PPFIBP2: variants seen among roughly 807,000 people sequenced by gnomAD.
PPFIBP2 encodes PPFIB scaffold protein 2.
PPFIBP2 carries 118 observed loss-of-function variants against 118.3 expected under a neutral mutation model. The observed-to-expected ratio is 1.00, with a 90% CI of 0.86 to 1.16. PPFIBP2 has a LOEUF of 1.16. Among genes scored for constraint, PPFIBP2 ranks in the 50% most tolerant of loss-of-function variants. The pLI, the probability that PPFIBP2 is intolerant of heterozygous loss-of-function variation, is 0.00. For synonymous variants in PPFIBP2, 414 were observed against 397.4 expected (o/e 1.04, Z -0.50); for missense variants, 1,195 against 1,073.1 (o/e 1.11, Z -1.59).
intron 3 of PPFIBP2, among the ~76,000 whole-genome samples, chr11:7,591,260 G>A (rs1252597338): frequency 1.3e-5 from 2 of 151,912 alleles, no homozygotes; most frequent in Non-Finnish European, 2.9e-5. Flanking sequence ...TCTTGCCTTT[G>A]GTCTTCTCTC....
chr11:7,544,194 GC>G (rs1412831244), intron 1 of PPFIBP2, among the ~76,000 whole-genome samples: 5 of 152,150 alleles, frequency 3.3e-5, no homozygotes, highest in Non-Finnish European at 7.4e-5. Flanking sequence ...TATCTTTATG[GC>G]CAGGGATGAG....
chr11:7,565,518 C>G, intron 2 of PPFIBP2, 35 bp from the exon 3 acceptor site: 4 of 1,609,362 alleles, frequency 2.5e-6, no homozygotes, highest in Non-Finnish European at 3.4e-6. Context: ...GGTGTCCACC[C>G]TTCTTACTGA....
downstream of PPFIBP2, chr11:7,656,732 G>A: frequency 3.9e-6 from 5 of 1,289,864 alleles, no homozygotes; most frequent in Non-Finnish European, 5.1e-6. Context: ...TTCAGACAAT[G>A]CTGAGCCAGG....
rs1397835891 is a variant in PPFIBP2, at chr11:7,649,628, T to G, written c.2095T>G (p.Cys699Gly). 2 of 1,614,230 alleles carry G rather than the reference T, an allele frequency of 1.2e-6. No individual in the cohort carries two copies. Among genetic ancestry groups the G allele is most frequent in the Non-Finnish European group, 1.7e-6 (2 of 1,180,030 alleles). ...GCATGTCAACAAGTTCAACCCCCAC[T>G]GCCTGCACCGGCGGCCAGCTGATGA... ...VLHVNKFNPHCLHRRPADESN... is the reference protein window; with the variant it reads ...VLHVNKFNPHGLHRRPADESN... The change falls in exon 21 of 24, where the codon TGC becomes GGC. Residue 699 changes from cysteine to glycine, a missense_variant. Physicochemically the swap from Cys to Gly is radical, Grantham distance 159. Transcript: ENST00000299492.
chr11:7,642,138 C>A, intron 16 of PPFIBP2, 160 bp from the exon 17 acceptor site: 1 of 816,094 alleles, frequency 1.2e-6, no homozygotes, highest in East Asian at 2.6e-5. Flanking sequence ...GGCCAAGGAG[C>A]TGCGACAGGT....
chr11:7,656,819 G>A (rs1191755926), downstream of PPFIBP2: 26 of 1,289,378 alleles, frequency 2.0e-5, no homozygotes, highest in East Asian at 5.5e-5. Context: ...GGCTGAGAGC[G>A]TAGGGAGGCA....
Position 7,635,565 on chromosome 11 carries a change from A to G in PPFIBP2, c.1208A>G (p.Asn403Ser). 1.2e-6 allele frequency: 2 copies of G among 1,611,248 alleles called. No individual in the cohort carries two copies. Among genetic ancestry groups the G allele is most frequent in the Non-Finnish European group, 1.7e-6 (2 of 1,177,356 alleles). ...GTTACTCCATAGTGTATGGATGGGA[A>G]CCAGCCCTTCCCGGTGTTAGAACCC... is the stretch of plus-strand genomic sequence containing the variant. The part of the protein sequence containing the change: ...SESVDKCMDG[N>S]QPFPVLEPKD... The change falls in exon 14 of 24, where the codon AAC (asparagine) becomes AGC (serine). Residue 403 changes from asparagine (N) to serine (S), a missense_variant. Physicochemically the swap from Asn to Ser is conservative, Grantham distance 46. Transcript: ENST00000299492.
At chr11:7,529,709 G>A (rs960076834) in intron 1 of PPFIBP2, among the ~76,000 whole-genome samples, 2 of 152,200 alleles carry the variant, frequency 1.3e-5, no homozygotes, top group Non-Finnish European at 2.9e-5. Flanking sequence ...TTTCCCCAGC[G>A]GTGTCTTCTC....
chr11:7,630,458 C>T (rs960372264), intron 10 of PPFIBP2, among the ~76,000 whole-genome samples: 1 of 152,218 alleles, frequency 6.6e-6, no homozygotes, highest in Non-Finnish European at 1.5e-5. Context: ...ATTACAGGCA[C>T]TGGCCACTAT....
intron 10 of PPFIBP2, among the ~76,000 whole-genome samples, chr11:7,630,099 G>T (rs1850558889): frequency 6.6e-6 from 1 of 152,170 alleles, no homozygotes; most frequent in Admixed American, 6.5e-5. Context: ...TGCATGTGCC[G>T]GGCTGCCTTC....
rs761485062 is a variant in PPFIBP2 at position 7,648,869 on chromosome 11, CAGG to C, written c.1873_1875del (p.Glu625del). On this transcript the variant is annotated inframe_deletion, in exon 19 of 24. Transcript: ENST00000299492. ...AGCAGTGAAAGCCATCAACACCAAA[CAGG>C]AGGAGAAGTCTGCACTGCTAGACCA... is the stretch of plus-strand genomic sequence containing the variant. 12 of 1,614,138 alleles carry C rather than the reference CAGG, an allele frequency of 7.4e-6. No homozygotes were observed. The highest frequency in any genetic ancestry group is 2.7e-5 in the African/African-American group (2 of 75,050).
At chr11:7,532,972 T>C (rs1850864204) in intron 1 of PPFIBP2, among the ~76,000 whole-genome samples, 1 of 151,944 alleles carries the variant, frequency 6.6e-6, no homozygotes, top group African/African-American at 2.4e-5. Flanking sequence ...AGGAGGGAGT[T>C]GGCTATAGGC....
chr11:7,654,918 T>A (rs1854542594), downstream of PPFIBP2, among the ~76,000 whole-genome samples: 1 of 152,012 alleles, frequency 6.6e-6, no homozygotes, highest in Admixed American at 6.6e-5. Context: ...AAATCTACAG[T>A]GTCTAAGTAG....
At chr11:7,665,281 C>G in the PPFIBP2 span, 1 of 1,165,338 alleles carries the variant, frequency 8.6e-7, no homozygotes, top group Non-Finnish European at 1.2e-6. Context: ...TGGCAAGGCA[C>G]TTTTGAAAAC....
At chr11:7,580,257 C>T (rs567750337) in intron 3 of PPFIBP2, among the ~76,000 whole-genome samples, 229 of 152,332 alleles carry the variant, frequency 1.5e-3, no homozygotes, top group African/African-American at 5.3e-3. Flanking sequence ...TGCTGGCCCT[C>T]CCTCCCCACC....
intron 1 of PPFIBP2, among the ~76,000 whole-genome samples, chr11:7,545,345 G>T (rs927529338): frequency 2.0e-5 from 3 of 152,150 alleles, no homozygotes; most frequent in Non-Finnish European, 4.4e-5. Flanking sequence ...CACAAGAATC[G>T]CTTGAGCCTG....
At chr11:7,571,952 A>T (rs1195152561) in intron 3 of PPFIBP2, 1 of 152,186 alleles carries the variant, frequency 6.6e-6, no homozygotes, top group Non-Finnish European at 1.5e-5. Context: ...TTTTCAGACA[A>T]AGATAACATA....
intron 6 of PPFIBP2, among the ~76,000 whole-genome samples, chr11:7,610,741 G>C (rs1207865820): frequency 6.6e-6 from 1 of 152,176 alleles, no homozygotes; most frequent in African/African-American, 2.4e-5. Flanking sequence ...TGAGAACCAA[G>C]GAAATGACGA....
chr11:7,515,364 C>T (rs1346948839), intron 1 of PPFIBP2, among the ~76,000 whole-genome samples: 1 of 152,164 alleles, frequency 6.6e-6, no homozygotes, highest in Non-Finnish European at 1.5e-5. Context: ...AGCTGCTTAC[C>T]ATGATGCCTT....
Sources: gnomAD v4.1 joint callset for allele counts (sites outside exome capture counted in the v4.1 genomes callset) on GRCh38, gnomAD v4.1.1 for gene constraint, MANE v1.5 for transcripts, NCBI Gene and HGNC (gene_info 2026-07-23, HGNC 2026-07-21) for gene names.